The following TAF4 variants were observed in gnomAD, a reference collection of about 807,000 sequenced individuals.
TAF4 encodes TATA-box binding protein associated factor 4.
A neutral mutation model predicts 90.3 loss-of-function variants in TAF4; 9 were observed. The observed-to-expected ratio is 0.10, with a 90% CI of 0.06 to 0.17. The LOEUF is 0.17. Among genes scored for constraint, TAF4 ranks in the 10% least tolerant of loss-of-function variants. The pLI is 1.00. For missense variants in TAF4, 1,351 were observed against 1,370.7 expected, an observed-to-expected ratio of 0.99 and a Z score of 0.23; for synonymous variants, 818 against 638.9, an observed-to-expected ratio of 1.28 and a Z score of -4.23.
chr20:62,055,366 T>C (rs1370742728), intron 1 of TAF4, among the ~76,000 whole-genome samples: 1 of 151,962 alleles, frequency 6.6e-6, no homozygotes, highest in Non-Finnish European at 1.5e-5. Context: ...TCACACTGCC[T>C]GCGGGCAGTC....
chr20:62,043,256 C>T (rs941449010), intron 1 of TAF4, among the ~76,000 whole-genome samples: 15 of 152,098 alleles, frequency 9.9e-5, no homozygotes, highest in African/African-American at 3.4e-4. Context: ...GAGGTCAAGG[C>T]TGCAGTAAGC....
chr20:62,052,079 C>G (rs1353714126), intron 1 of TAF4, among the ~76,000 whole-genome samples: 1 of 152,190 alleles, frequency 6.6e-6, no homozygotes, highest in African/African-American at 2.4e-5. Context: ...GGACTCCCTG[C>G]ATCCCCGCAG....
At chr20:61,996,572 G>T (rs1284236450) in intron 14 of TAF4, among the ~76,000 whole-genome samples, 1 of 151,854 alleles carries the variant, frequency 6.6e-6, no homozygotes, top group Non-Finnish European at 1.5e-5. Context: ...AGGCCGAGGT[G>T]GGCAGATCAT....
intron 14 of TAF4, among the ~76,000 whole-genome samples, chr20:61,984,187 T>A (rs1234939663): frequency 1.3e-5 from 2 of 152,098 alleles, no homozygotes; most frequent in African/African-American, 4.8e-5. Flanking sequence ...GCTCATCACG[T>A]GCCTCAGCCC....
chr20:61,982,546 CA>C (rs2055555651), intron 14 of TAF4, among the ~76,000 whole-genome samples: 1 of 149,066 alleles, frequency 6.7e-6, no homozygotes, highest in African/African-American at 2.5e-5. Context: ...GAGGAGACAA[CA>C]AACCCACACC....
Position 61,999,023 on chromosome 20 carries a change from T to C in TAF4, c.2873A>G (p.Lys958Arg), listed in dbSNP as rs765961856. Reference sequence around the variant, plus strand: ...CAGGATCTCCCGCTCCTGCTCATCCTTCCTCTGCTTTTCGATTTGATCAAG... The same window carrying C: ...CAGGATCTCCCGCTCCTGCTCATCCCTCCTCTGCTTTTCGATTTGATCAAG... Reference protein sequence around the residue: ...EQLDQIEKQRKDEQEREILMR... With the variant: ...EQLDQIEKQRRDEQEREILMR... Residue 958 changes from lysine (K) to arginine (R), a missense_variant, in exon 12 of 15, where the codon AAG becomes AGG. Physicochemically the swap from Lys to Arg is conservative, Grantham distance 26 (BLOSUM62 2). Around this residue, in one of 9 missense-constraint regions of TAF4, gnomAD observed 95 missense variants for 151.3 expected, o/e 0.63. Coordinates refer to ENST00000252996, the MANE Select transcript of TAF4 (RefSeq NM_003185.4). 4 of 1,614,152 alleles carry C rather than the reference T, an allele frequency of 2.5e-6. No individual in the cohort carries two copies. The highest frequency in any genetic ancestry group is 1.1e-5 in the South Asian group (1 of 91,086).
At chr20:62,045,532 T>C (rs2055988359) in intron 1 of TAF4, among the ~76,000 whole-genome samples, 1 of 152,254 alleles carries the variant, frequency 6.6e-6, no homozygotes, top group African/African-American at 2.4e-5. Context: ...TCTACAGTTC[T>C]CCCTTGGTGA....
chr20:62,012,089 G>C (rs950232601), intron 3 of TAF4: 3 of 152,320 alleles, frequency 2.0e-5, no homozygotes, highest in Non-Finnish European at 4.4e-5. Flanking sequence ...GCACCACTAG[G>C]AGAGGGGCCA....
rs375887451 is a variant in TAF4, at chr20:61,995,720, G to A, written c.3090+1830C>T. ...CTACTAAAAATACAAAAAATTAGCCGGGCGCGGTGGCGGGCGCCTGTAGTC... is the reference window on the plus strand; with the variant it reads ...CTACTAAAAATACAAAAAATTAGCCAGGCGCGGTGGCGGGCGCCTGTAGTC... On this transcript the variant is annotated intron_variant, in intron 14 of 14. Coordinates refer to ENST00000252996, the MANE Select transcript of TAF4 (RefSeq NM_003185.4). 1.8e-4 allele frequency among the ~76,000 whole-genome samples: 12 copies of A among 65,386 alleles called. 5 individuals carry two copies. The East Asian group carries it at 2.0e-3, about 11-fold the overall frequency. The allele number at this position is 65,386 out of a possible 152,430, so 42.9% of individuals were successfully genotyped here. A position where few individuals can be genotyped will look rare whatever the true frequency, so the allele number is the denominator to read the frequency against.
chr20:62,006,499 C>T lies in TAF4; in HGVS notation c.2223+11G>A. 6.7e-7 allele frequency: 1 copy of T among 1,499,644 alleles called. No homozygotes were observed. The highest frequency in any genetic ancestry group is 8.9e-7 in the Non-Finnish European group (1 of 1,124,390). 92.9% of individuals were successfully genotyped at this position (1,499,644 alleles called of 1,614,324 possible). On this transcript the variant is annotated intron_variant, in intron 7 of 14. Transcript: ENST00000252996. This position sits in a 1 kb window ranked among gnomAD's most constrained non-coding sequence, Gnocchi z 7.0. ...TGGGCTGTGCAGACCAGTCAGGCGC[C>T]CCTTCCATACCAGCGGTGTGGGTTG...
chr20:62,006,508 AC>A lies in TAF4; in HGVS notation c.2223+1del. 1 of 1,517,676 alleles carries A rather than the reference AC, an allele frequency of 6.6e-7. No individual in the cohort carries two copies. Among genetic ancestry groups the A allele is most frequent in the Non-Finnish European group, 8.8e-7 (1 of 1,133,028 alleles). The allele number at this position is 1,517,676 out of a possible 1,614,324, so 94.0% of individuals were successfully genotyped here. A position where few individuals can be genotyped will look rare whatever the true frequency, so the allele number is the denominator to read the frequency against. ...CAGACCAGTCAGGCGCCCCTTCCAT[AC>A]CAGCGGTGTGGGTTGCCCCTGCTTG... On this transcript the variant is annotated splice_donor_variant, in intron 7 of 14. Coordinates refer to ENST00000252996, the MANE Select transcript of TAF4 (RefSeq NM_003185.4). LOFTEE classifies it high-confidence loss of function. This position sits in a 1 kb window ranked among gnomAD's most constrained non-coding sequence, Gnocchi z 7.0.
chr20:62,025,009 A>G (rs1162121032), intron 1 of TAF4, among the ~76,000 whole-genome samples: 4 of 152,206 alleles, frequency 2.6e-5, no homozygotes, highest in Non-Finnish European at 5.9e-5. Flanking sequence ...ACACCACTAC[A>G]CACTCACTAA....
intron 1 of TAF4, among the ~76,000 whole-genome samples, chr20:62,044,478 T>C (rs1418038829): frequency 2.0e-5 from 3 of 152,192 alleles, no homozygotes; most frequent in Admixed American, 1.3e-4. Context: ...GTGTATCAAA[T>C]TGGTAACATA....
chr20:62,006,770 G>C lies in TAF4; in HGVS notation c.1975-12C>G. The C allele has an allele frequency of 1.3e-6, 2 of 1,485,852 alleles. No homozygotes were observed. The highest frequency in any genetic ancestry group is 1.8e-6 in the Non-Finnish European group (2 of 1,109,360). 92.0% of individuals were successfully genotyped at this position (1,485,852 alleles called of 1,614,324 possible). On this transcript the variant is annotated splice_polypyrimidine_tract_variant and intron_variant, in intron 6 of 14. Coordinates refer to ENST00000252996, the MANE Select transcript of TAF4 (RefSeq NM_003185.4). This position sits in a 1 kb window ranked among gnomAD's most constrained non-coding sequence, Gnocchi z 7.0. Reference sequence around the variant, plus strand: ...GCGGGTAAGCTCCTCTGGGTGGAAAGACAGACACGAGGGGTCAGGCGGCTG... The same window carrying C: ...GCGGGTAAGCTCCTCTGGGTGGAAACACAGACACGAGGGGTCAGGCGGCTG...
intron 1 of TAF4, among the ~76,000 whole-genome samples, chr20:62,030,608 G>A (rs1000679444): frequency 7.2e-5 from 11 of 152,294 alleles, no homozygotes; most frequent in African/African-American, 2.4e-4. Flanking sequence ...GGACAGTGCT[G>A]GGAAGGGTCT....
chr20:62,040,580 G>C (rs1396813405), intron 1 of TAF4, among the ~76,000 whole-genome samples: 1 of 152,244 alleles, frequency 6.6e-6, no homozygotes, highest in Non-Finnish European at 1.5e-5. Context: ...GCTGAGAAAG[G>C]TGCGCTCTGC....
chr20:62,049,632 T>TGTCCCAGCCCCGCACCCTGCCC (rs2056014662), intron 1 of TAF4, among the ~76,000 whole-genome samples: 1 of 141,458 alleles, frequency 7.1e-6, no homozygotes, highest in African/African-American at 2.7e-5. Context: ...GATCCCTGCC[T>TGTCCCAGCCCCGCACCCTGCCC]GCCCCAGCCC....
chr20:61,985,800 C>A (rs1184942648), intron 14 of TAF4, among the ~76,000 whole-genome samples: 1 of 151,956 alleles, frequency 6.6e-6, no homozygotes, highest in South Asian at 2.1e-4. Context: ...TGTGCACATG[C>A]CCCAGTCCAC....
chr20:62,007,521 G>A (rs369706290), intron 6 of TAF4, 26 bp downstream of exon 6: 144 of 1,609,426 alleles, frequency 8.9e-5, no homozygotes, highest in Non-Finnish European at 1.1e-4. Context: ...CCTACTGCTC[G>A]CAGGCACCGG....
Sources: allele counts gnomAD v4.1 joint callset (sites outside exome capture counted in the v4.1 genomes callset), GRCh38; gene constraint gnomAD v4.1.1; regional missense constraint gnomAD v4.1.1; non-coding constraint Gnocchi (gnomAD v3.1); transcripts MANE v1.5; gene names NCBI Gene and HGNC (gene_info 2026-07-23, HGNC 2026-07-21).